Variants in RPS6KC1 observed in about 807,000 individuals in gnomAD.
The protein encoded by RPS6KC1 is inactive ribosomal protein S6 kinase delta-1.
In RPS6KC1, 54 loss-of-function variants were observed where a neutral mutation model predicts 103.8. That is an observed-to-expected ratio of 0.52 (90% CI 0.42 to 0.65). The LOEUF (loss-of-function observed/expected upper bound fraction) is 0.65, where lower values mean the gene tolerates loss of function less well. Ranked by LOEUF, RPS6KC1 falls within the 30% of genes least tolerant of loss-of-function variation. The pLI is 0.00. For synonymous variants in RPS6KC1, 439 were observed against 438.7 expected (o/e 1.00, Z -0.01); for missense variants, 1,151 against 1,253.8 (o/e 0.92, Z 1.24).
chr1:213,445,039 C>G, the RPS6KC1 span, among the ~76,000 whole-genome samples: 1 of 152,012 alleles, frequency 6.6e-6, no homozygotes, highest in Non-Finnish European at 1.5e-5. Context: ...CAGCCTTTAG[C>G]AAATCACCAA....
At chr1:213,794,744 C>G in the RPS6KC1 span, among the ~76,000 whole-genome samples, 2 of 152,018 alleles carry the variant, frequency 1.3e-5, no homozygotes, top group Non-Finnish European at 2.9e-5. Context: ...TTGTCTTGCC[C>G]GGGGAGAATA....
At chr1:213,360,503 C>A in the RPS6KC1 span, among the ~76,000 whole-genome samples, 15 of 152,336 alleles carry the variant, frequency 9.8e-5, no homozygotes, top group Non-Finnish European at 1.3e-4. Flanking sequence ...TGGGTTCGAA[C>A]TTCCTCCTTT....
At chr1:213,138,462 A>C (rs150324949) in intron 6 of RPS6KC1, among the ~76,000 whole-genome samples, 155 of 152,250 alleles carry the variant, frequency 1.0e-3, no homozygotes, top group African/African-American at 3.6e-3. Flanking sequence ...TCACCCAGGT[A>C]ATCGGTGTAA....
At position 213,080,728 on chromosome 1, in the gene RPS6KC1, CTAATTTTTG is replaced by C. The variant is rs1427164645; in HGVS notation, c.262+2924_262+2932del. Among the ~76,000 whole-genome samples, 4 of 152,248 alleles carry C rather than the reference CTAATTTTTG, an allele frequency of 2.6e-5. No individual in the cohort carries two copies. In the East Asian group the frequency reaches 5.8e-4, roughly 22 times the overall value. ...TATAGGCACATGCCACCATGCCAGTCTAATTTTTGTAATTTTTGTAGCAACATGTTTTCA... is the reference window on the plus strand; with the variant it reads ...TATAGGCACATGCCACCATGCCAGTCTAATTTTTGTAGCAACATGTTTTCA... On this transcript the variant is annotated intron_variant, in intron 3 of 14. Transcript: ENST00000366960.
chr1:213,448,225 C>CAAAAAAAAAAAAAAAA, the RPS6KC1 span, among the ~76,000 whole-genome samples: 3 of 75,820 alleles, frequency 4.0e-5, no homozygotes, highest in Non-Finnish European at 7.0e-5. Flanking sequence ...GTGAGACTGT[C>CAAAAAAAAAAAAAAAA]AAAAAAAAAA....
chr1:213,535,646 T>G, the RPS6KC1 span, among the ~76,000 whole-genome samples: 1 of 152,134 alleles, frequency 6.6e-6, no homozygotes, highest in Non-Finnish European at 1.5e-5. Flanking sequence ...TGGCAATGTC[T>G]TTGAGGAGGC....
intron 8 of RPS6KC1, among the ~76,000 whole-genome samples, chr1:213,188,895 T>C (rs1042615536): frequency 6.6e-6 from 1 of 152,040 alleles, no homozygotes; most frequent in Admixed American, 6.5e-5. Context: ...TGGGAAGTTA[T>C]AGGAACTATA....
chr1:213,491,021 A>G, the RPS6KC1 span, among the ~76,000 whole-genome samples: 2 of 152,172 alleles, frequency 1.3e-5, no homozygotes, highest in African/African-American at 4.8e-5. Context: ...TCTAGGGCAC[A>G]GTTTGGAGCT....
At chr1:213,170,210 A>G (rs1266316766) in intron 7 of RPS6KC1, among the ~76,000 whole-genome samples, 2 of 152,204 alleles carry the variant, frequency 1.3e-5, no homozygotes, top group East Asian at 1.9e-4. Context: ...TTAGTTTCCT[A>G]TAGGCATATC....
chr1:213,388,759 C>T, the RPS6KC1 span, among the ~76,000 whole-genome samples: 20 of 152,190 alleles, frequency 1.3e-4, no homozygotes, highest in Admixed American at 1.3e-3. Context: ...AGTCACTTCC[C>T]AGGGACATCA....
In RPS6KC1 at chr1:213,069,844, G is replaced by A. The variant is rs865805595; in HGVS notation, c.106-1162G>A. On this transcript the variant is annotated intron_variant, in intron 1 of 14. Transcript: ENST00000366960. ...ATTTGACACTTACATGGATGGTACC[G>A]TATTATGTAATCTAATGTGAGATTT... 3.3e-5 allele frequency among the ~76,000 whole-genome samples: 5 copies of A among 152,238 alleles called. No individual in the cohort carries two copies. In the Middle Eastern group the frequency reaches 0.01, roughly 311 times the overall value.
the RPS6KC1 span, among the ~76,000 whole-genome samples, chr1:213,735,201 G>A: frequency 6.6e-6 from 1 of 152,286 alleles, no homozygotes; most frequent in Non-Finnish European, 1.5e-5. Context: ...GCTTTTCCAG[G>A]AGAATGCTTC....
chr1:213,117,253 T>A, intron 4 of RPS6KC1, 64 bp from the exon 5 acceptor site: 2 of 922,552 alleles, frequency 2.2e-6, no homozygotes, highest in South Asian at 1.5e-5. Context: ...GGGATAACTA[T>A]TTTTTATTTA....
chr1:213,226,460 T>A (rs2093965546), intron 8 of RPS6KC1, among the ~76,000 whole-genome samples: 1 of 152,214 alleles, frequency 6.6e-6, no homozygotes, highest in Non-Finnish European at 1.5e-5. Flanking sequence ...AAAGGGCAGC[T>A]ATGGAGAGAA....
the RPS6KC1 span, among the ~76,000 whole-genome samples, chr1:213,793,930 TA>T: frequency 6.6e-6 from 1 of 152,124 alleles, no homozygotes; most frequent in Non-Finnish European, 1.5e-5. Context: ...TCTGTGATAA[TA>T]ACGAAGACAG....
rs567041488 is a variant in RPS6KC1 at position 213,152,529 on chromosome 1, G to A, written c.836-15329G>A. ...GGGCTCCTCACTTCTCAGACGGGGC[G>A]GCCGGGTAGAGATGCTCCTCACCTC... On this transcript the variant is annotated intron_variant, in intron 6 of 14. Transcript: ENST00000366960. Among the ~76,000 whole-genome samples the A allele has an allele frequency of 9.6e-4, 144 of 150,588 alleles. 1 individual carries two copies. The South Asian group carries it at 9.9e-3, about 10-fold the overall frequency.
chr1:213,186,910 T>C (rs1419294116), intron 8 of RPS6KC1, among the ~76,000 whole-genome samples: 1 of 152,154 alleles, frequency 6.6e-6, no homozygotes, highest in Non-Finnish European at 1.5e-5. Flanking sequence ...AGACTTCTGT[T>C]TGATTTTTTG....
the RPS6KC1 span, among the ~76,000 whole-genome samples, chr1:213,698,768 A>G: frequency 6.6e-6 from 1 of 152,070 alleles, no homozygotes; most frequent in African/African-American, 2.4e-5. Flanking sequence ...TTATGTGAAT[A>G]CTGTATTTCT....
intron 8 of RPS6KC1, among the ~76,000 whole-genome samples, chr1:213,205,028 T>G (rs1323451585): frequency 2.6e-5 from 4 of 152,122 alleles, no homozygotes; most frequent in Non-Finnish European, 4.4e-5. Flanking sequence ...CCAAAGTATT[T>G]TTGGGCATTG....
Sources: allele counts gnomAD v4.1 joint callset (sites outside exome capture counted in the v4.1 genomes callset), GRCh38; gene constraint gnomAD v4.1.1; transcripts MANE v1.5; gene names NCBI Gene and HGNC (gene_info 2026-07-23, HGNC 2026-07-21).